Variants in CLPTM1 observed in about 807,000 individuals in gnomAD.
CLPTM1 encodes putative lipid scramblase CLPTM1.
Under a neutral mutation model 77.3 loss-of-function variants are expected in CLPTM1, and 21 were observed. The ratio of observed to expected loss-of-function variants is 0.27; its 90% CI spans 0.19 to 0.39. The LOEUF (loss-of-function observed/expected upper bound fraction) is 0.39, where lower values mean the gene tolerates loss of function less well. Among genes scored for constraint, CLPTM1 ranks in the 10% least tolerant of loss-of-function variants. CLPTM1 has a pLI of 1.00. For missense variants in CLPTM1, 642 were observed against 921.2 expected, an observed-to-expected ratio of 0.70 and a Z score of 3.92; for synonymous variants, 373 against 381.0, an observed-to-expected ratio of 0.98 and a Z score of 0.24.
At position 44,967,220 on chromosome 19, in the gene CLPTM1, G is replaced by A. The variant is rs138108091; in HGVS notation, c.185+5145G>A. Among the ~76,000 whole-genome samples the A allele has an allele frequency of 3.8e-3, 583 of 152,276 alleles. 5 individuals carry two copies. Among genetic ancestry groups the A allele is most frequent in the African/African-American group, 0.013 (557 of 41,552 alleles). ...TGTAGTGCCAGCTATTAGGGAGGCC[G>A]AAGAGGGAGGATCGCTTGAGCCCAG... On this transcript the variant is annotated intron_variant, in intron 2 of 13. Coordinates refer to ENST00000337392, the MANE Select transcript of CLPTM1 (RefSeq NM_001294.4).
chr19:44,992,909 C>A lies in CLPTM1; in HGVS notation c.*12C>A. On this transcript the variant is annotated 3_prime_UTR_variant, in exon 14 of 14. Coordinates refer to ENST00000337392, the MANE Select transcript of CLPTM1 (RefSeq NM_001294.4). This position sits in a 1 kb window ranked among gnomAD's most constrained non-coding sequence, Gnocchi z 7.7. Reference sequence around the variant, plus strand: ...AGAAAAAGGATTAGTCGAGACTGGTCCTCACCTGCTCCGGCTCCTGGCGAC... The same window carrying A: ...AGAAAAAGGATTAGTCGAGACTGGTACTCACCTGCTCCGGCTCCTGGCGAC... 6.2e-7 allele frequency: 1 copy of A among 1,611,796 alleles called. No individual in the cohort carries two copies. The highest frequency in any genetic ancestry group is 1.1e-5 in the South Asian group (1 of 90,920).
chr19:44,992,836 G>C lies in CLPTM1; in HGVS notation c.1949G>C (p.Ser650Thr). 6.2e-7 allele frequency: 1 copy of C among 1,613,724 alleles called. No individual in the cohort carries two copies. Among genetic ancestry groups the C allele is most frequent in the Non-Finnish European group, 8.5e-7 (1 of 1,179,892 alleles). Residue 650 changes from serine to threonine, a missense_variant, in exon 14 of 14, where the codon AGC (serine) becomes ACC (threonine). Ser to Thr is a moderately conservative substitution (Grantham distance 58, BLOSUM62 1). Coordinates refer to ENST00000337392, the MANE Select transcript of CLPTM1 (RefSeq NM_001294.4). The surrounding 1 kb of genome is among the most constrained non-coding windows in gnomAD (Gnocchi z 7.7). ...CCCACCAAGCCCACCCAGGGGGCCA[G>C]CTCTGCCAGCGAGCCCCAGGAAGCC... ...SLPTKPTQGA[S>T]SASEPQEAPP... is the part of the protein sequence containing the mutation.
chr19:44,972,362 C>T (rs2122275654), intron 2 of CLPTM1, among the ~76,000 whole-genome samples: 1 of 152,030 alleles, frequency 6.6e-6, no homozygotes, highest in South Asian at 2.1e-4. Flanking sequence ...ATTCTCCTGC[C>T]TCAGCCTCCG....
intron 5 of CLPTM1, among the ~76,000 whole-genome samples, chr19:44,983,146 T>G (rs1245131231): frequency 6.6e-6 from 1 of 151,952 alleles, no homozygotes; most frequent in African/African-American, 2.4e-5. Flanking sequence ...TCTTCCTTCT[T>G]TAGGGAAGTG....
At chr19:44,980,508 C>CAAAAA (rs74516090) in intron 5 of CLPTM1, among the ~76,000 whole-genome samples, 61 of 92,902 alleles carry the variant, frequency 6.6e-4, no homozygotes, top group Non-Finnish European at 8.8e-4. Context: ...GACTCCATCT[C>CAAAAA]AAAAAAAAAA....
Position 44,974,433 on chromosome 19 carries a change from C to A in CLPTM1, c.310-6C>A. On this transcript the variant is annotated splice_region_variant and splice_polypyrimidine_tract_variant and intron_variant, in intron 3 of 13. Transcript: ENST00000337392. ...CCTGAGCTCTGTTCCCTTCCTGTCC[C>A]AACAGAACCTGCATGTGTACATCTC... The A allele has an allele frequency of 1.2e-6, 2 of 1,610,344 alleles. No homozygotes were observed. The highest frequency in any genetic ancestry group is 1.1e-5 in the South Asian group (1 of 90,894).
chr19:44,993,117 C>G lies in CLPTM1; in HGVS notation c.*220C>G. On this transcript the variant is annotated 3_prime_UTR_variant, in exon 14 of 14. Coordinates refer to ENST00000337392, the MANE Select transcript of CLPTM1 (RefSeq NM_001294.4). ...TCCCTCTGTCCCTCTGTGTTTCCAG[C>G]CATCTCGCCCTGCCAGCCCAGCACC... is the stretch of plus-strand genomic sequence containing the variant. 1.4e-6 allele frequency: 1 copy of G among 695,752 alleles called. No individual in the cohort carries two copies. Among genetic ancestry groups the G allele is most frequent in the South Asian group, 1.5e-5 (1 of 68,896 alleles). The allele number at this position is 695,752 out of a possible 1,614,324, so 43.1% of individuals were successfully genotyped here.
At position 44,992,382 on chromosome 19, in the gene CLPTM1, A is replaced by C; in HGVS notation, c.1705A>C (p.Ile569Leu). The C allele has an allele frequency of 3.1e-6, 5 of 1,614,070 alleles. No individual in the cohort carries two copies. Among genetic ancestry groups the C allele is most frequent in the Non-Finnish European group, 4.2e-6 (5 of 1,179,984 alleles). The change falls in exon 13 of 14, where the codon ATC (isoleucine) becomes CTC (leucine). Residue 569 changes from isoleucine (I) to leucine (L), a missense_variant. Physicochemically the swap from Ile to Leu is conservative, Grantham distance 5. Coordinates refer to ENST00000337392, the MANE Select transcript of CLPTM1 (RefSeq NM_001294.4). The surrounding 1 kb of genome is among the most constrained non-coding windows in gnomAD (Gnocchi z 7.7). ...FVIKMPVMYR[I>L]GCLRDDVVFF... ...CATCAAGATGCCCGTTATGTACCGG[A>C]TCGGCTGCCTGCGGGACGGTGAGGC...
Position 44,991,407 on chromosome 19 carries a change from C to T in CLPTM1, c.1555+34C>T. On this transcript the variant is annotated intron_variant, in intron 12 of 13. Transcript: ENST00000337392. This position sits in a 1 kb window ranked among gnomAD's most constrained non-coding sequence, Gnocchi z 5.4. ...TCCGGCCGCCCCAGGAGAGAGCAGG[C>T]CCCATGCTGCGCAGGGCTCACAGCC... is the stretch of plus-strand genomic sequence containing the variant. The T allele has an allele frequency of 1.2e-6, 2 of 1,601,712 alleles. No individual in the cohort carries two copies. Among genetic ancestry groups the T allele is most frequent in the Middle Eastern group, 2.0e-4 (1 of 5,048 alleles).
rs204471 is a variant in CLPTM1, at chr19:44,985,309, T to C, written c.672+6T>C. ...CGGACCCAGAAATGATCAAGGTAAA[T>C]GGGCAGGGTTGTCAGGGCCTATAGG... On this transcript the variant is annotated splice_donor_region_variant and intron_variant, in intron 6 of 13. Transcript: ENST00000337392. The C allele has an allele frequency of 0.95, 1,524,236 of 1,605,830 alleles. 724,147 individuals carry two copies. The highest frequency in any genetic ancestry group is 0.96 in the Non-Finnish European group (1,124,284 of 1,172,970).
At chr19:44,972,438 A>G (rs1568384396) in intron 2 of CLPTM1, among the ~76,000 whole-genome samples, 2 of 151,676 alleles carry the variant, frequency 1.3e-5, no homozygotes, top group Non-Finnish European at 1.5e-5. Flanking sequence ...TTTAGTAGAG[A>G]CAGGGTTTCA....
chr19:44,955,376 C>CGGGGGGGGGGGGGGGGGCGGGGGG, upstream of CLPTM1: 1 of 631,186 alleles, frequency 1.6e-6, no homozygotes, highest in Non-Finnish European at 2.0e-6. Flanking sequence ...GCGGCGGGGG[C>CGGGGGGGGGGGGGGGGGCGGGGGG]GGGGACCCGG....
At chr19:44,977,202 A>T in intron 4 of CLPTM1, 141 bp from the exon 5 acceptor site, 1 of 685,018 alleles carries the variant, frequency 1.5e-6, no homozygotes, top group Non-Finnish European at 2.6e-6. Flanking sequence ...CCACCCAGCT[A>T]CATGCCCCAC....
upstream of CLPTM1, chr19:44,955,180 T>A: frequency 6.5e-7 from 1 of 1,535,208 alleles, no homozygotes; most frequent in Non-Finnish European, 8.7e-7. Context: ...GTGTTTTTAT[T>A]AGGTGGAAAC....
At chr19:44,965,197 A>G (rs1296546740) in intron 2 of CLPTM1, among the ~76,000 whole-genome samples, 1 of 152,182 alleles carries the variant, frequency 6.6e-6, no homozygotes, top group Non-Finnish European at 1.5e-5. Context: ...TGCACAGCAG[A>G]GATGTTTACA....
chr19:44,954,866 T>C (rs1035623814), upstream of CLPTM1: 34 of 1,204,452 alleles, frequency 2.8e-5, no homozygotes, highest in Non-Finnish European at 3.7e-5. Flanking sequence ...AACGAAAGAG[T>C]TGTCTTAGGA....
intron 2 of CLPTM1, among the ~76,000 whole-genome samples, chr19:44,966,943 G>A (rs546415650): frequency 7.2e-5 from 11 of 152,104 alleles, no homozygotes; most frequent in African/African-American, 1.7e-4. Flanking sequence ...CTAGGTTCAC[G>A]CCATTCTCCT....
intron 1 of CLPTM1, among the ~76,000 whole-genome samples, chr19:44,959,283 C>T (rs148521833): frequency 1.0e-3 from 158 of 151,820 alleles, no homozygotes; most frequent in Middle Eastern, 0.01. Context: ...TGGTCTCGAA[C>T]TCCTGGGCTC....
At chr19:44,963,947 T>C (rs560800167) in intron 2 of CLPTM1, among the ~76,000 whole-genome samples, 48 of 150,930 alleles carry the variant, frequency 3.2e-4, no homozygotes, top group Admixed American at 3.0e-3. Context: ...TTTTTTTTTT[T>C]ATTAGAGATG....
Sources: gnomAD v4.1 joint callset for allele counts (sites outside exome capture counted in the v4.1 genomes callset) on GRCh38, gnomAD v4.1.1 for gene constraint, Gnocchi (gnomAD v3.1) non-coding constraint, MANE v1.5 for transcripts, NCBI Gene and HGNC (gene_info 2026-07-23, HGNC 2026-07-21) for gene names.